LAMA2: variants seen among roughly 807,000 people sequenced by gnomAD.
LAMA2 encodes the protein laminin subunit alpha-2.
In LAMA2, 269 loss-of-function variants were observed where a neutral mutation model predicts 364.8. That is an observed-to-expected ratio of 0.74 (90% CI 0.67 to 0.82). The LOEUF is 0.82. Ranked by LOEUF, LAMA2 falls within the 40% of genes least tolerant of loss-of-function variation. The pLI is 0.00. For synonymous variants in LAMA2, 1,379 were observed against 1,370.6 expected (o/e 1.01, Z -0.14); for missense variants, 3,807 against 3,873.2 (o/e 0.98, Z 0.45).
At chr6:129,316,753 T>G (rs1486183201) in intron 27 of LAMA2, among the ~76,000 whole-genome samples, 1 of 152,230 alleles carries the variant, frequency 6.6e-6, no homozygotes, top group African/African-American at 2.4e-5. Context: ...TGTTTTCTTA[T>G]GACCAAAATT....
At chr6:128,975,088 G>C (rs66599064) in intron 1 of LAMA2, among the ~76,000 whole-genome samples, 10,599 of 152,128 alleles carry the variant, frequency 0.07, 450 homozygotes, top group South Asian at 0.12. Context: ...TCCTGACCTC[G>C]TGATCCGCCT....
chr6:129,466,229 A>G, intron 51 of LAMA2, among the ~76,000 whole-genome samples: 1 of 151,908 alleles, frequency 6.6e-6, no homozygotes, highest in East Asian at 1.9e-4. Flanking sequence ...ACAAGTATCA[A>G]TGGTTAGAGG....
intron 44 of LAMA2, among the ~76,000 whole-genome samples, chr6:129,443,877 A>G (rs1158465586): frequency 6.6e-6 from 1 of 152,198 alleles, no homozygotes; most frequent in Non-Finnish European, 1.5e-5. Flanking sequence ...CTACATTACT[A>G]AACCATCATT....
At chr6:129,223,238 A>G (rs904822275) in intron 12 of LAMA2, among the ~76,000 whole-genome samples, 7 of 152,146 alleles carry the variant, frequency 4.6e-5, no homozygotes, top group African/African-American at 1.7e-4. Flanking sequence ...GATTCTGGAT[A>G]TTAGCCCTTT....
rs533852376 is a variant in LAMA2, at chr6:129,353,765, T to C, written c.4717+408T>C. On this transcript the variant is annotated intron_variant, in intron 32 of 64. Coordinates refer to ENST00000421865, the MANE Select transcript of LAMA2 (RefSeq NM_000426.4). ...ATCGACTGGACAGATACTTTAAGCC[T>C]TGAATGACAACTGATGTTTCTTTTC... 2.0e-5 allele frequency among the ~76,000 whole-genome samples: 3 copies of C among 152,346 alleles called. No homozygotes were observed. In the South Asian group the frequency reaches 6.2e-4, roughly 32 times the overall value.
At chr6:129,029,294 C>A (rs1038367742) in intron 1 of LAMA2, among the ~76,000 whole-genome samples, 2 of 151,826 alleles carry the variant, frequency 1.3e-5, no homozygotes, top group African/African-American at 4.8e-5. Flanking sequence ...CTTTAACTAC[C>A]ATGCAATTAA....
chr6:129,364,091 C>G (rs560312477), intron 32 of LAMA2, among the ~76,000 whole-genome samples: 1 of 152,148 alleles, frequency 6.6e-6, no homozygotes, highest in South Asian at 2.1e-4. Flanking sequence ...CTGCAGGTGA[C>G]GCTCTACAGT....
At position 129,080,701 on chromosome 6, in the gene LAMA2, C is replaced by T. The variant is rs372736458; in HGVS notation, c.397-17472C>T. 6.0e-3 allele frequency among the ~76,000 whole-genome samples: 916 copies of T among 152,184 alleles called. 4 individuals are homozygous for T. The highest frequency in any genetic ancestry group is 8.1e-3 in the Non-Finnish European group (548 of 67,984). ...ATCAAAACCACAAAGAGATACCATC[C>T]CACACCAGTTAGAATGGCGATCATT... On this transcript the variant is annotated intron_variant, in intron 3 of 64. Coordinates refer to ENST00000421865, the MANE Select transcript of LAMA2 (RefSeq NM_000426.4).
chr6:129,217,785 T>C lies in LAMA2; in HGVS notation c.1782+24932T>C, dbSNP rs956270672. On this transcript the variant is annotated intron_variant, in intron 12 of 64. Transcript: ENST00000421865. ...CTGGGAACCCCAGGATATAATCTAC[T>C]GTGGATAGTCATTCATAGACAAAGA... Among the ~76,000 whole-genome samples the C allele has an allele frequency of 7.2e-5, 11 of 152,170 alleles. No individual in the cohort carries two copies. In the East Asian group the frequency reaches 2.1e-3, roughly 29 times the overall value.
chr6:129,135,675 G>A (rs1452827482), intron 4 of LAMA2, among the ~76,000 whole-genome samples: 3 of 152,176 alleles, frequency 2.0e-5, no homozygotes, highest in Admixed American at 6.5e-5. Context: ...GCAAATGTTC[G>A]AGGAGAGTGA....
chr6:129,356,794 A>G (rs544846600), intron 32 of LAMA2, among the ~76,000 whole-genome samples: 1 of 152,250 alleles, frequency 6.6e-6, no homozygotes, highest in East Asian at 1.9e-4. Context: ...ATGTAATCTC[A>G]GTAATGACAT....
chr6:129,198,744 A>G (rs1421693373), intron 12 of LAMA2, among the ~76,000 whole-genome samples: 2 of 152,184 alleles, frequency 1.3e-5, no homozygotes, highest in Non-Finnish European at 2.9e-5. Context: ...ATGAAAATTT[A>G]CACACAATAA....
intron 3 of LAMA2, among the ~76,000 whole-genome samples, chr6:129,072,951 G>A (rs897663149): frequency 2.6e-5 from 4 of 151,832 alleles, no homozygotes; most frequent in Admixed American, 6.6e-5. Flanking sequence ...TTTATTTTTT[G>A]TTAGTATACT....
At chr6:129,385,373 C>T (rs866679842) in intron 35 of LAMA2, among the ~76,000 whole-genome samples, 1 of 150,878 alleles carries the variant, frequency 6.6e-6, no homozygotes. Flanking sequence ...GAAGGACTCA[C>T]CAAAGGCTTT....
At chr6:129,320,135 A>ATAAT (rs1774864305) in intron 27 of LAMA2, among the ~76,000 whole-genome samples, 3 of 151,180 alleles carry the variant, frequency 2.0e-5, no homozygotes, top group South Asian at 4.2e-4. Flanking sequence ...TCTGTCTCAA[A>ATAAT]TAAATAAATA....
intron 59 of LAMA2, 63 bp from the exon 60 acceptor site, chr6:129,503,028 C>G: frequency 6.9e-7 from 1 of 1,439,146 alleles, no homozygotes. Context: ...TCTGATACCG[C>G]TCTATTTTAG....
At chr6:128,888,971 G>A (rs1398214803) in intron 1 of LAMA2, among the ~76,000 whole-genome samples, 1 of 152,166 alleles carries the variant, frequency 6.6e-6, no homozygotes, top group Non-Finnish European at 1.5e-5. Flanking sequence ...ACATTCAAGA[G>A]CATTCCACTT....
intron 4 of LAMA2, among the ~76,000 whole-genome samples, chr6:129,120,922 T>C (rs1209414191): frequency 6.6e-6 from 1 of 152,236 alleles, no homozygotes; most frequent in Non-Finnish European, 1.5e-5. Flanking sequence ...ATTTAAAAAA[T>C]AGCTTCTGAA....
intron 1 of LAMA2, among the ~76,000 whole-genome samples, chr6:129,046,156 A>G (rs1029258601): frequency 1.3e-5 from 2 of 152,208 alleles, no homozygotes; most frequent in South Asian, 2.1e-4. Flanking sequence ...TTATTTTTCT[A>G]TACTGTAAAT....
Sources: allele counts gnomAD v4.1 joint callset (sites outside exome capture counted in the v4.1 genomes callset), GRCh38; gene constraint gnomAD v4.1.1; transcripts MANE v1.5; gene names NCBI Gene and HGNC (gene_info 2026-07-23, HGNC 2026-07-21).